The following HDAC9 variants were observed in gnomAD, a reference collection of about 807,000 sequenced individuals.
HDAC9 encodes histone deacetylase 9.
A neutral mutation model predicts 139.4 loss-of-function variants in HDAC9; 41 were observed. The ratio of observed to expected loss-of-function variants is 0.29; its 90% CI spans 0.23 to 0.38. The LOEUF (loss-of-function observed/expected upper bound fraction) is 0.38. HDAC9 is among the 10% of genes least tolerant of loss of function. HDAC9 has a pLI of 1.00. For synonymous variants in HDAC9, 517 were observed against 476.2 expected, an observed-to-expected ratio of 1.09 and a Z score of -1.12; for missense variants, 1,147 against 1,297.0, an observed-to-expected ratio of 0.88 and a Z score of 1.78.
At chr7:18,293,401 C>T (rs1318799213) in intron 1 of HDAC9, among the ~76,000 whole-genome samples, 2 of 151,350 alleles carry the variant, frequency 1.3e-5, no homozygotes, top group Non-Finnish European at 2.9e-5. Context: ...AGCAAACTAT[C>T]GCAAGGACAA....
chr7:18,218,053 T>A (rs1387272760), intron 2 of HDAC9, among the ~76,000 whole-genome samples: 1 of 152,188 alleles, frequency 6.6e-6, no homozygotes, highest in Non-Finnish European at 1.5e-5. Flanking sequence ...CAAAAGATGT[T>A]GGTTTTTTTG....
chr7:18,309,400 A>G (rs1270058119), intron 1 of HDAC9, among the ~76,000 whole-genome samples: 1 of 152,218 alleles, frequency 6.6e-6, no homozygotes, highest in Non-Finnish European at 1.5e-5. Context: ...ACTATTTAAA[A>G]TATTTTGACA....
At chr7:18,165,153 AGAAG>A (rs1224482589) in intron 2 of HDAC9, among the ~76,000 whole-genome samples, 1 of 152,206 alleles carries the variant, frequency 6.6e-6, no homozygotes, top group Non-Finnish European at 1.5e-5. Context: ...GCCAAATCTC[AGAAG>A]GAAGGATTTT....
chr7:18,120,907 T>C (rs1483411552), intron 1 of HDAC9, among the ~76,000 whole-genome samples: 1 of 152,196 alleles, frequency 6.6e-6, no homozygotes, highest in African/African-American at 2.4e-5. Context: ...TTGTGGGTTC[T>C]TAAGGATGAG....
chr7:18,371,425 T>C (rs535211078), intron 1 of HDAC9, among the ~76,000 whole-genome samples: 85 of 152,332 alleles, frequency 5.6e-4, no homozygotes, highest in African/African-American at 1.5e-3. Flanking sequence ...ACTAAATGTA[T>C]GCCTTGGCTG....
At chr7:18,309,280 C>G (rs1799140495) in intron 1 of HDAC9, among the ~76,000 whole-genome samples, 1 of 152,132 alleles carries the variant, frequency 6.6e-6, no homozygotes, top group Non-Finnish European at 1.5e-5. Context: ...AAAAAATATA[C>G]CGTGCCAGTG....
Position 18,609,640 on chromosome 7 carries a change from T to TA in HDAC9, c.664+15611_664+15612insA, listed in dbSNP as rs1836532388. ...GTTAATTTTTTAAATATATATATAT[T>TA]TTTATTTTACTTTAAGTTGTAGGGT... On this transcript the variant is annotated intron_variant, in intron 6 of 25. Coordinates refer to ENST00000686413, the MANE Select transcript of HDAC9 (RefSeq NM_178425.4). Among the ~76,000 whole-genome samples the TA allele has an allele frequency of 3.3e-5, 5 of 151,942 alleles. No homozygotes were observed. The South Asian group carries it at 6.2e-4, about 19-fold the overall frequency.
chr7:18,429,619 C>T (rs1474713219), intron 1 of HDAC9, among the ~76,000 whole-genome samples: 1 of 151,682 alleles, frequency 6.6e-6, no homozygotes, highest in Non-Finnish European at 1.5e-5. Flanking sequence ...TTAGTGTTTG[C>T]AGTAAAAACA....
intron 1 of HDAC9, among the ~76,000 whole-genome samples, chr7:18,423,308 C>T (rs974809948): frequency 3.9e-5 from 6 of 151,960 alleles, no homozygotes; most frequent in Middle Eastern, 3.2e-3. Context: ...TTTATTTAAG[C>T]GAGGCTATGT....
chr7:18,381,159 A>G (rs1785398477), intron 1 of HDAC9, among the ~76,000 whole-genome samples: 1 of 132,218 alleles, frequency 7.6e-6, no homozygotes, highest in Non-Finnish European at 1.5e-5. Flanking sequence ...AGATCATGCC[A>G]CTGCACTCCA....
rs991111697 is a variant in HDAC9, at chr7:18,921,359, C to T, written c.2804-14450C>T. Among the ~76,000 whole-genome samples the T allele has an allele frequency of 7.9e-5, 12 of 152,244 alleles. 1 individual carries two copies. In the East Asian group the frequency reaches 1.2e-3, roughly 15 times the overall value. ...CTGACAAAGGGCTAATATCCAGAAT[C>T]TACACTGAACTCAACAAATTTACAA... On this transcript the variant is annotated intron_variant, in intron 22 of 25. Transcript: ENST00000686413.
At chr7:18,709,292 C>A (rs1784171767) in intron 12 of HDAC9, among the ~76,000 whole-genome samples, 1 of 152,058 alleles carries the variant, frequency 6.6e-6, no homozygotes, top group African/African-American at 2.4e-5. Context: ...TGAGAACATG[C>A]AGTGTTTGGT....
chr7:18,298,828 A>G (rs1798326798), intron 1 of HDAC9, among the ~76,000 whole-genome samples: 1 of 152,224 alleles, frequency 6.6e-6, no homozygotes, highest in African/African-American at 2.4e-5. Flanking sequence ...AGCTGTTATT[A>G]TGAATTTACC....
chr7:18,607,778 A>G (rs1290623438), intron 6 of HDAC9, among the ~76,000 whole-genome samples: 2 of 152,102 alleles, frequency 1.3e-5, no homozygotes, highest in Non-Finnish European at 2.9e-5. Context: ...AGAAGGAAAT[A>G]TATAATTGCA....
At chr7:18,764,067 G>A (rs1177975260) in intron 15 of HDAC9, among the ~76,000 whole-genome samples, 1 of 151,904 alleles carries the variant, frequency 6.6e-6, no homozygotes, top group Non-Finnish European at 1.5e-5. Flanking sequence ...TGACTCTTTT[G>A]AACAAACCTA....
At chr7:18,158,346 G>A (rs1787376976) in intron 1 of HDAC9, among the ~76,000 whole-genome samples, 2 of 152,136 alleles carry the variant, frequency 1.3e-5, no homozygotes, top group South Asian at 2.1e-4. Flanking sequence ...ATCATGTTTT[G>A]TGACTGAGTT....
At chr7:18,702,104 G>GTT (rs1783537504) in intron 12 of HDAC9, among the ~76,000 whole-genome samples, 1 of 148,496 alleles carries the variant, frequency 6.7e-6, no homozygotes. Flanking sequence ...AAGCAGGCTG[G>GTT]GAGCGTGGCT....
chr7:18,643,022 A>G (rs2129015395), intron 8 of HDAC9, among the ~76,000 whole-genome samples: 1 of 152,288 alleles, frequency 6.6e-6, no homozygotes. Context: ...CAATGAATAC[A>G]GATAAGTGAA....
chr7:18,180,480 A>G (rs1189279836), intron 2 of HDAC9, among the ~76,000 whole-genome samples: 1 of 151,952 alleles, frequency 6.6e-6, no homozygotes, highest in Non-Finnish European at 1.5e-5. Flanking sequence ...TCATTTTACA[A>G]TTTCCATCCT....
Sources: allele counts gnomAD v4.1 joint callset (sites outside exome capture counted in the v4.1 genomes callset), GRCh38; gene constraint gnomAD v4.1.1; transcripts MANE v1.5; gene names NCBI Gene and HGNC (gene_info 2026-07-23, HGNC 2026-07-21).